PCDHGA9: variants seen among roughly 807,000 people sequenced by gnomAD.
PCDHGA9 encodes protocadherin gamma subfamily A, 9.
In PCDHGA9, 37 loss-of-function variants were observed where a neutral mutation model predicts 62.5. The ratio of observed to expected loss-of-function variants is 0.59; its 90% confidence interval spans 0.46 to 0.78. The LOEUF is 0.78. PCDHGA9 is among the 30% of genes least tolerant of loss of function. The pLI is 0.00. For synonymous variants in PCDHGA9, 459 were observed against 484.6 expected (o/e 0.95, Z 0.69); for missense variants, 1,138 against 1,166.2 (o/e 0.98, Z 0.35).
intron 2 of PCDHGA9, among the ~76,000 whole-genome samples, chr5:141,495,128 G>T (rs1408872159): frequency 2.6e-5 from 4 of 152,160 alleles, no homozygotes; most frequent in African/African-American, 9.7e-5. Flanking sequence ...TCCCCTGAGG[G>T]CACTGTGGAA....
intron 1 of PCDHGA9, among the ~76,000 whole-genome samples, chr5:141,488,394 A>C (rs2099674951): frequency 1.3e-5 from 2 of 152,232 alleles, no homozygotes. Flanking sequence ...TGGTGAAACC[A>C]TGAAACCTAG....
chr5:141,409,452 A>T, intron 1 of PCDHGA9: 1 of 1,613,990 alleles, frequency 6.2e-7, no homozygotes, highest in Non-Finnish European at 8.5e-7. Context: ...CAGACACCAG[A>T]ATACAATGTC....
chr5:141,431,401 C>T lies in PCDHGA9; in HGVS notation c.2424+26025C>T. ...CTGCTCACCACCTGGTCCTTACGGC[C>T]TCCGACGGGGGCGACCCGGTGCGCA... On this transcript the variant is annotated intron_variant, in intron 1 of 3. Transcript: ENST00000573521. The surrounding 1 kb of genome is among the most constrained non-coding windows in gnomAD (Gnocchi z 4.8). 2 of 1,613,800 alleles carry T rather than the reference C, an allele frequency of 1.2e-6. No homozygotes were observed. Among genetic ancestry groups the T allele is most frequent in the Admixed American group, 1.7e-5 (1 of 60,036 alleles).
At position 141,476,689 on chromosome 5, in the gene PCDHGA9, C is replaced by A; in HGVS notation, c.2425-18118C>A. Reference sequence around the variant, plus strand: ...GCGTGCAGACGCGGGAGGACAGCACCAAGTACGCGGAGCTGGTGTTGGAGC... The same window carrying A: ...GCGTGCAGACGCGGGAGGACAGCACAAAGTACGCGGAGCTGGTGTTGGAGC... On this transcript the variant is annotated intron_variant, in intron 1 of 3. Transcript: ENST00000573521. The surrounding 1 kb of genome is among the most constrained non-coding windows in gnomAD (Gnocchi z 7.6). The A allele has an allele frequency of 1.9e-6, 3 of 1,614,226 alleles. No homozygotes were observed. Among genetic ancestry groups the A allele is most frequent in the Non-Finnish European group, 2.5e-6 (3 of 1,180,046 alleles).
At chr5:141,495,719 C>T (rs929450759) in intron 2 of PCDHGA9, among the ~76,000 whole-genome samples, 12 of 152,150 alleles carry the variant, frequency 7.9e-5, no homozygotes, top group African/African-American at 2.4e-5. Context: ...AGTAACTACA[C>T]GGGACCCTTA....
At chr5:141,503,332 C>T (rs536647792) in intron 2 of PCDHGA9, among the ~76,000 whole-genome samples, 5 of 152,074 alleles carry the variant, frequency 3.3e-5, no homozygotes, top group Admixed American at 6.5e-5. Context: ...CGCGGTGGCT[C>T]ACGCCTGTAA....
chr5:141,494,601 A>T (rs1396717178), intron 1 of PCDHGA9, among the ~76,000 whole-genome samples: 1 of 151,892 alleles, frequency 6.6e-6, no homozygotes, highest in East Asian at 1.9e-4. Context: ...ATGAAATGTG[A>T]TTTATCTCTT....
intron 1 of PCDHGA9, chr5:141,478,700 C>A: frequency 1.3e-6 from 2 of 1,549,172 alleles, no homozygotes; most frequent in Non-Finnish European, 1.7e-6. Flanking sequence ...AAAGTTAGTG[C>A]CTTTGTGAGA....
intron 2 of PCDHGA9, among the ~76,000 whole-genome samples, chr5:141,503,614 A>G (rs1595875970): frequency 6.6e-6 from 1 of 151,640 alleles, no homozygotes; most frequent in South Asian, 2.1e-4. Flanking sequence ...AAAAAAAAAA[A>G]GAAAAAAGAA....
chr5:141,478,882 A>G, intron 1 of PCDHGA9: 1 of 1,200,164 alleles, frequency 8.3e-7, no homozygotes. Context: ...TTAGCTTGGT[A>G]TCATTTACAT....
Position 141,433,362 on chromosome 5 carries a change from T to G in PCDHGA9, c.2424+27986T>G, listed in dbSNP as rs1285511534. ...GTGCAAGCCACCTACTGTCTGCCTA[T>G]CTATCTATCTATCTATCTATCTATC... On this transcript the variant is annotated intron_variant, in intron 1 of 3. Transcript: ENST00000573521. 4 of 299,814 alleles carry G rather than the reference T, an allele frequency of 1.3e-5. No individual in the cohort carries two copies. In the East Asian group the frequency reaches 1.8e-4, roughly 14 times the overall value. 18.6% of individuals were successfully genotyped at this position (299,814 alleles called of 1,614,324 possible). A position where few individuals can be genotyped will look rare whatever the true frequency, so the allele number is the denominator to read the frequency against.
At chr5:141,506,444 CAAAA>C (rs1219684339) in intron 3 of PCDHGA9, among the ~76,000 whole-genome samples, 5 of 95,022 alleles carry the variant, frequency 5.3e-5, no homozygotes, top group Admixed American at 1.1e-4. Context: ...CGCTCTGTCT[CAAAA>C]AAAAAAAAAA....
intron 1 of PCDHGA9, chr5:141,419,278 A>G: frequency 6.2e-7 from 1 of 1,614,038 alleles, no homozygotes; most frequent in Non-Finnish European, 8.5e-7. Context: ...CCATAGCGCA[A>G]GTCAGTGCCT....
intron 1 of PCDHGA9, chr5:141,426,871 A>G (rs887250057): frequency 2.2e-6 from 1 of 456,722 alleles, no homozygotes; most frequent in Non-Finnish European, 4.4e-6. Flanking sequence ...GTGCTGGAGA[A>G]GCCCCTGGGC....
intron 1 of PCDHGA9, among the ~76,000 whole-genome samples, chr5:141,472,273 G>A (rs2099275685): frequency 6.6e-6 from 1 of 152,170 alleles, no homozygotes; most frequent in South Asian, 2.1e-4. Context: ...CGGGCACAGT[G>A]GCTCACACCT....
chr5:141,489,692 G>A lies in PCDHGA9; in HGVS notation c.2425-5115G>A. 1.9e-6 allele frequency: 3 copies of A among 1,614,128 alleles called. No individual in the cohort carries two copies. The highest frequency in any genetic ancestry group is 1.7e-6 in the Non-Finnish European group (2 of 1,179,980). On this transcript the variant is annotated intron_variant, in intron 1 of 3. Coordinates refer to ENST00000573521, the MANE Select transcript of PCDHGA9 (RefSeq NM_018921.3). The surrounding 1 kb of genome is among the most constrained non-coding windows in gnomAD (Gnocchi z 4.5). The stretch of plus-strand genomic sequence containing the variant: ...TCAGAATCAGCAGCATCTGGGGCAC[G>A]ATTCCCACTGGACAGTGCCCAGGAT...
chr5:141,416,791 G>C (rs1389798483), intron 1 of PCDHGA9: 1 of 152,166 alleles, frequency 6.6e-6, no homozygotes, highest in Non-Finnish European at 1.5e-5. Flanking sequence ...TCTACTAAAT[G>C]TGGTAGTATA....
In PCDHGA9 at chr5:141,476,101, A is replaced by G; in HGVS notation, c.2425-18706A>G. The G allele has an allele frequency of 6.3e-7, 1 of 1,576,386 alleles. No individual in the cohort carries two copies. Among genetic ancestry groups the G allele is most frequent in the East Asian group, 2.2e-5 (1 of 44,540 alleles). On this transcript the variant is annotated intron_variant, in intron 1 of 3. Coordinates refer to ENST00000573521, the MANE Select transcript of PCDHGA9 (RefSeq NM_018921.3). This position sits in a 1 kb window ranked among gnomAD's most constrained non-coding sequence, Gnocchi z 7.6. ...GACGATCTGGACCCCGCTGAGAGGA[A>G]CTGCTTTTGAGTGAGATGGTCCCAG... is the stretch of plus-strand genomic sequence containing the variant.
Position 141,431,529 on chromosome 5 carries a change from T to G in PCDHGA9, c.2424+26153T>G, listed in dbSNP as rs145601545. The G allele has an allele frequency of 2.5e-6, 4 of 1,614,074 alleles. No homozygotes were observed. The highest frequency in any genetic ancestry group is 3.4e-6 in the Non-Finnish European group (4 of 1,180,030). ...GCGAGCGTTCCGGAGAATCTGGCCT[T>G]GGGCACGCAGCTGCTTGTAGTCAAC... On this transcript the variant is annotated intron_variant, in intron 1 of 3. Coordinates refer to ENST00000573521, the MANE Select transcript of PCDHGA9 (RefSeq NM_018921.3). The surrounding 1 kb of genome is among the most constrained non-coding windows in gnomAD (Gnocchi z 4.8).
Sources: allele counts gnomAD v4.1 joint callset (sites outside exome capture counted in the v4.1 genomes callset), GRCh38; gene constraint gnomAD v4.1.1; non-coding constraint Gnocchi (gnomAD v3.1); transcripts MANE v1.5; gene names NCBI Gene and HGNC (gene_info 2026-07-23, HGNC 2026-07-21).